Variants in NBDY observed in about 807,000 individuals in gnomAD.
The protein encoded by NBDY is negative regulator of P-body association, also known as P-body dissociating protein.
intron 1 of NBDY, among the ~76,000 whole-genome samples, chrX:56,731,079 C>T (rs939394978): frequency 9.2e-6 from 1 of 108,168 alleles, no homozygotes; most frequent in Non-Finnish European, 1.9e-5. Flanking sequence ...ACAACTTTGG[C>T]GACCAAAAAA....
At chrX:56,813,371 T>C (rs760695681) in intron 2 of NBDY, among the ~76,000 whole-genome samples, 2 of 110,885 alleles carry the variant, frequency 1.8e-5, no homozygotes, top group East Asian at 5.7e-4. Flanking sequence ...CCCAGCCATG[T>C]GAACACAACA....
intron 2 of NBDY, among the ~76,000 whole-genome samples, chrX:56,755,941 C>G (rs1276100430): frequency 1.5e-4 from 16 of 104,527 alleles, no homozygotes; most frequent in East Asian, 6.0e-4. Context: ...CACATATACA[C>G]CATGGAATAC....
rs949150696 is a variant in NBDY, at chrX:56,801,009, C to T, written c.*167-16311C>T. On this transcript the variant is annotated intron_variant, in intron 2 of 2. Coordinates refer to ENST00000374922, the MANE Select transcript of NBDY (RefSeq NM_001348129.2). The stretch of plus-strand genomic sequence containing the variant: ...ACCCAGGCCTTGTAGATTAGAAGCC[C>T]GTGGCCCCTTGCAGTGCGCTGATGA... 1.2e-4 allele frequency among the ~76,000 whole-genome samples: 13 copies of T among 111,595 alleles called. 1 individual carries two copies. Among genetic ancestry groups the T allele is most frequent in the Non-Finnish European group, 1.1e-4 (6 of 53,076 alleles).
chrX:56,736,517 C>T (rs987642978), intron 2 of NBDY, among the ~76,000 whole-genome samples: 1 of 112,052 alleles, frequency 8.9e-6, no homozygotes, highest in Admixed American at 9.4e-5. Flanking sequence ...CTGCCTGCCT[C>T]GGCCTCCCAA....
chrX:56,814,074 T>C (rs2069899528), intron 2 of NBDY, among the ~76,000 whole-genome samples: 1 of 112,188 alleles, frequency 8.9e-6, no homozygotes, highest in East Asian at 2.8e-4. Context: ...TCTTTTACTT[T>C]TTTATTTAGT....
intron 2 of NBDY, among the ~76,000 whole-genome samples, chrX:56,790,105 G>C (rs1340584743): frequency 1.8e-5 from 2 of 111,888 alleles, no homozygotes; most frequent in Non-Finnish European, 3.8e-5. Context: ...AGGGTCTCCA[G>C]GAAGACATAA....
rs768607172 is a variant in NBDY at position 56,763,793 on chromosome X, G to A, written c.*166+31594G>A. ...GAGTTTGGTGATCAATCTGGGACCA[G>A]GTGACTGATTCCTTTCACTCCTCTG... On this transcript the variant is annotated intron_variant, in intron 2 of 2. Transcript: ENST00000374922. 3.6e-5 allele frequency among the ~76,000 whole-genome samples: 4 copies of A among 112,631 alleles called. No homozygotes were observed. The South Asian group carries it at 1.1e-3, about 31-fold the overall frequency.
At chrX:56,784,496 G>A (rs2069715459) in intron 2 of NBDY, among the ~76,000 whole-genome samples, 1 of 111,995 alleles carries the variant, frequency 8.9e-6, no homozygotes, top group Non-Finnish European at 1.9e-5. Context: ...GACTGAGCAT[G>A]CGTGCTCACT....
intron 2 of NBDY, among the ~76,000 whole-genome samples, chrX:56,734,658 C>T (rs2146711429): frequency 8.9e-6 from 1 of 111,829 alleles, no homozygotes; most frequent in South Asian, 3.7e-4. Context: ...CTCTTCTCAT[C>T]TCCAGCAGGT....
chrX:56,793,608 A>G (rs984451481), intron 2 of NBDY, among the ~76,000 whole-genome samples: 2 of 110,709 alleles, frequency 1.8e-5, no homozygotes, highest in Admixed American at 9.6e-5. Flanking sequence ...AGCGGAAACT[A>G]TTTCTGGAAA....
At position 56,814,681 on chromosome X, in the gene NBDY, G is replaced by A. The variant is rs1293320775; in HGVS notation, c.*167-2639G>A. 2.7e-5 allele frequency among the ~76,000 whole-genome samples: 3 copies of A among 109,998 alleles called. No individual in the cohort carries two copies. In the East Asian group the frequency reaches 8.6e-4, roughly 32 times the overall value. ...CTGATTTTTTGGTACTTTTAGTAGA[G>A]ATGGTGTTTCACCATGTTGGCCCGG... On this transcript the variant is annotated intron_variant, in intron 2 of 2. Transcript: ENST00000374922.
intron 2 of NBDY, among the ~76,000 whole-genome samples, chrX:56,755,896 G>A (rs2069608393): frequency 9.6e-6 from 1 of 104,388 alleles, no homozygotes; most frequent in Non-Finnish European, 2.0e-5. Context: ...CAACCCAAAT[G>A]TCCAACAATG....
At chrX:56,793,866 C>G (rs982421086) in intron 2 of NBDY, among the ~76,000 whole-genome samples, 42 of 111,732 alleles carry the variant, frequency 3.8e-4, no homozygotes, top group African/African-American at 1.3e-3. Context: ...AACTGCCAGG[C>G]ATGAGTCACC....
intron 2 of NBDY, among the ~76,000 whole-genome samples, chrX:56,807,997 C>A (rs971479078): frequency 9.0e-6 from 1 of 111,657 alleles, no homozygotes; most frequent in African/African-American, 3.3e-5. Context: ...TCCATCAATA[C>A]CTAGTTTATT....
chrX:56,783,186 T>A (rs754739872), intron 2 of NBDY, among the ~76,000 whole-genome samples: 1 of 113,004 alleles, frequency 8.8e-6, no homozygotes, highest in East Asian at 2.8e-4. Flanking sequence ...GCTCTTGGCC[T>A]GCCCTCATTC....
intron 2 of NBDY, among the ~76,000 whole-genome samples, chrX:56,791,394 G>A (rs756685620): frequency 8.0e-5 from 9 of 111,813 alleles, no homozygotes; most frequent in Non-Finnish European, 1.3e-4. Context: ...CCTGGTGTCC[G>A]ATTCATCCCC....
intron 2 of NBDY, among the ~76,000 whole-genome samples, chrX:56,755,445 G>GA (rs1191542925): frequency 9.2e-6 from 1 of 109,271 alleles, no homozygotes; most frequent in Non-Finnish European, 1.9e-5. Flanking sequence ...AATTTACAAG[G>GA]AAAAAACAAA....
chrX:56,735,945 C>CAA (rs35820296), intron 2 of NBDY, among the ~76,000 whole-genome samples: 24 of 64,347 alleles, frequency 3.7e-4, no homozygotes, highest in African/African-American at 1.4e-3. Flanking sequence ...ATCTGACTAG[C>CAA]AAAAAAAAAA....
At chrX:56,734,146 T>TAAC (rs2069474372) in intron 2 of NBDY, among the ~76,000 whole-genome samples, 1 of 112,308 alleles carries the variant, frequency 8.9e-6, no homozygotes, top group African/African-American at 3.2e-5. Context: ...ATTCCATCAC[T>TAAC]AACATTTTGG....
Sources: allele counts gnomAD v4.1 joint callset (sites outside exome capture counted in the v4.1 genomes callset), GRCh38; gene constraint gnomAD v4.1.1; transcripts MANE v1.5; gene names NCBI Gene and HGNC (gene_info 2026-07-23, HGNC 2026-07-21).